The following PUDP variants were observed in gnomAD, a reference collection of about 807,000 sequenced individuals.
PUDP encodes pseudouridine 5'-phosphatase, also known as pseudouridine-5'-phosphatase.
PUDP carries 8 observed loss-of-function variants against 9.4 expected under a neutral mutation model. The observed-to-expected ratio is 0.85, with a 90% CI of 0.50 to 1.53. The LOEUF (loss-of-function observed/expected upper bound fraction) is 1.53, where lower values mean the gene tolerates loss of function less well. Among genes scored for constraint, PUDP ranks in the 40% most tolerant of loss-of-function variants. The probability of loss-of-function intolerance (pLI) is 0.00; values close to 1 mark genes in which losing one functional copy is unlikely to be tolerated. For missense variants in PUDP, 188 were observed against 189.7 expected (o/e 0.99, Z 0.05); for synonymous variants, 99 against 80.7 (o/e 1.23, Z -1.22).
At chrX:7,124,562 C>A (rs1225094607) in intron 1 of PUDP, among the ~76,000 whole-genome samples, 1 of 110,825 alleles carries the variant, frequency 9.0e-6, no homozygotes, top group Non-Finnish European at 1.9e-5. Context: ...CTTGCCAACA[C>A]CCGATTTTAC....
intron 3 of PUDP, among the ~76,000 whole-genome samples, chrX:6,915,818 T>C (rs1927920237): frequency 8.9e-6 from 1 of 111,833 alleles, no homozygotes; most frequent in African/African-American, 3.3e-5. Context: ...TGTTCAATAA[T>C]GACTGCCCTA....
At chrX:6,932,338 G>A (rs911522521) in intron 3 of PUDP, among the ~76,000 whole-genome samples, 2 of 111,836 alleles carry the variant, frequency 1.8e-5, no homozygotes, top group Admixed American at 1.9e-4. Context: ...CGTGTGAGGC[G>A]CGTGTTTCAG....
intron 1 of PUDP, among the ~76,000 whole-genome samples, chrX:6,991,375 C>A (rs1929173951): frequency 9.0e-6 from 1 of 111,112 alleles, no homozygotes; most frequent in Non-Finnish European, 1.9e-5. Flanking sequence ...TATTTGATGT[C>A]TTTAAAAAAA....
intron 3 of PUDP, among the ~76,000 whole-genome samples, chrX:6,857,179 T>C (rs1462716053): frequency 1.8e-5 from 2 of 112,720 alleles, no homozygotes; most frequent in Non-Finnish European, 3.8e-5. Flanking sequence ...GCATTTACCC[T>C]GGAGCATGGG....
chrX:6,974,272 T>TTAGTTGATG (rs1408735140), intron 3 of PUDP, among the ~76,000 whole-genome samples: 2 of 111,935 alleles, frequency 1.8e-5, no homozygotes, highest in South Asian at 3.7e-4. Flanking sequence ...ATTTTGCCAG[T>TTAGTTGATG]TAGTTGATGT....
At chrX:6,908,774 G>A (rs1037023755) in intron 3 of PUDP, among the ~76,000 whole-genome samples, 6 of 111,897 alleles carry the variant, frequency 5.4e-5, no homozygotes, top group Non-Finnish European at 1.1e-4. Flanking sequence ...TTAGTTGATA[G>A]TATTTTGTTA....
At chrX:6,965,298 G>A (rs974846047) in intron 3 of PUDP, among the ~76,000 whole-genome samples, 1 of 112,074 alleles carries the variant, frequency 8.9e-6, no homozygotes, top group African/African-American at 3.2e-5. Context: ...AAACACTGGA[G>A]AGGAGAAAAA....
intron 3 of PUDP, among the ~76,000 whole-genome samples, chrX:6,890,965 A>T (rs1379020261): frequency 1.1e-5 from 1 of 92,786 alleles, no homozygotes; most frequent in Non-Finnish European, 2.1e-5. Flanking sequence ...AAAAAAAAAA[A>T]ATAGCAGGGC....
intron 1 of PUDP, among the ~76,000 whole-genome samples, chrX:6,718,294 G>A (rs772782637): frequency 2.7e-5 from 3 of 111,886 alleles, no homozygotes; most frequent in East Asian, 5.6e-4. Context: ...GCTTGCACTC[G>A]TATGTTCATT....
intron 3 of PUDP, among the ~76,000 whole-genome samples, chrX:6,848,521 T>C (rs980411446): frequency 8.9e-5 from 10 of 112,241 alleles, no homozygotes; most frequent in African/African-American, 3.2e-4. Flanking sequence ...GCTGTGACTG[T>C]GGCAACACCA....
chrX:6,851,691 C>T (rs367762191), intron 3 of PUDP, among the ~76,000 whole-genome samples: 2 of 111,606 alleles, frequency 1.8e-5, no homozygotes, highest in South Asian at 3.8e-4. Context: ...AAGAAGGCTA[C>T]CATAAGAATG....
At chrX:6,861,924 G>A (rs372993342) in intron 3 of PUDP, among the ~76,000 whole-genome samples, 34 of 111,372 alleles carry the variant, frequency 3.1e-4, no homozygotes, top group African/African-American at 1.1e-3. Flanking sequence ...ACGTGCCGCT[G>A]AGTAAGTTTC....
At chrX:6,846,999 T>C (rs1926759322) in intron 3 of PUDP, among the ~76,000 whole-genome samples, 1 of 111,928 alleles carries the variant, frequency 8.9e-6, no homozygotes, top group African/African-American at 3.2e-5. Context: ...CCTAAAACTA[T>C]AAAAAGTGCT....
chrX:6,846,298 G>A (rs1926746362), intron 3 of PUDP, among the ~76,000 whole-genome samples: 1 of 109,588 alleles, frequency 9.1e-6, no homozygotes, highest in Non-Finnish European at 1.9e-5. Context: ...CCAGCTACTC[G>A]GGAGGCTGAG....
At chrX:6,732,901 A>G (rs1410890094) in intron 3 of PUDP, among the ~76,000 whole-genome samples, 1 of 112,033 alleles carries the variant, frequency 8.9e-6, no homozygotes, top group Non-Finnish European at 1.9e-5. Context: ...TTAGTGGTCC[A>G]CAGCCAGGAA....
chrX:6,724,196 C>T (rs1174433644), upstream of PUDP, among the ~76,000 whole-genome samples: 2 of 111,110 alleles, frequency 1.8e-5, no homozygotes, highest in African/African-American at 6.5e-5. Flanking sequence ...AAGTCACATC[C>T]CATGGCAGAG....
At chrX:6,879,959 T>C (rs1047769378) in intron 3 of PUDP, among the ~76,000 whole-genome samples, 1 of 110,792 alleles carries the variant, frequency 9.0e-6, no homozygotes, top group Non-Finnish European at 1.9e-5. Flanking sequence ...TCTCAAGATG[T>C]TGCATTCCCA....
intron 3 of PUDP, among the ~76,000 whole-genome samples, chrX:6,893,506 CCTT>C (rs777033323): frequency 3.6e-5 from 4 of 111,589 alleles, no homozygotes; most frequent in Non-Finnish European, 7.5e-5. Flanking sequence ...CATTATGAGT[CCTT>C]CTGCAAATGT....
At chrX:6,763,245 C>T (rs1049332174) in intron 3 of PUDP, among the ~76,000 whole-genome samples, 2 of 111,220 alleles carry the variant, frequency 1.8e-5, no homozygotes, top group South Asian at 3.9e-4. Flanking sequence ...AAAAATTAGC[C>T]GGGTGTGGTG....
Sources: allele counts gnomAD v4.1 joint callset (sites outside exome capture counted in the v4.1 genomes callset), GRCh38; gene constraint gnomAD v4.1.1; transcripts MANE v1.5; gene names NCBI Gene and HGNC (gene_info 2026-07-23, HGNC 2026-07-21).